The following FAF1 variants were observed in gnomAD, a reference collection of about 807,000 sequenced individuals.
The protein encoded by FAF1 is Fas associated factor 1.
A neutral mutation model predicts 92.5 loss-of-function variants in FAF1; 25 were observed. The ratio of observed to expected loss-of-function variants is 0.27; its 90% CI spans 0.20 to 0.38. The LOEUF is 0.38. FAF1 is among the 10% of genes least tolerant of loss of function. FAF1 has a pLI of 1.00. For missense variants in FAF1, 636 were observed against 793.3 expected (o/e 0.80, Z 2.38); for synonymous variants, 234 against 273.2 (o/e 0.86, Z 1.42).
intron 15 of FAF1, among the ~76,000 whole-genome samples, chr1:50,494,140 G>A (rs1646872422): frequency 6.6e-6 from 1 of 152,216 alleles, no homozygotes; most frequent in South Asian, 2.1e-4. Context: ...ATGTTTGGTA[G>A]TTGTTGGTGA....
chr1:50,590,688 G>C (rs1242206887), intron 9 of FAF1, among the ~76,000 whole-genome samples: 1 of 152,146 alleles, frequency 6.6e-6, no homozygotes, highest in East Asian at 1.9e-4. Flanking sequence ...AATGGTGAAA[G>C]GGGTCATTCT....
chr1:50,582,155 T>C (rs1278138714), intron 12 of FAF1, among the ~76,000 whole-genome samples: 1 of 152,094 alleles, frequency 6.6e-6, no homozygotes, highest in Non-Finnish European at 1.5e-5. Flanking sequence ...AACAAATCTA[T>C]CAAGAACTAG....
At chr1:50,742,708 T>C (rs749182184) in intron 5 of FAF1, among the ~76,000 whole-genome samples, 18 of 152,228 alleles carry the variant, frequency 1.2e-4, no homozygotes, top group Non-Finnish European at 1.9e-4. Context: ...CACAGGTTTC[T>C]CAATGAATGA....
At chr1:50,752,191 G>A (rs774572070) in intron 4 of FAF1, among the ~76,000 whole-genome samples, 2 of 152,032 alleles carry the variant, frequency 1.3e-5, no homozygotes, top group African/African-American at 2.4e-5. Flanking sequence ...GGCTGGTCTC[G>A]AACTCCTGAC....
At chr1:50,759,147 T>C (rs1660210089) in intron 4 of FAF1, among the ~76,000 whole-genome samples, 1 of 152,006 alleles carries the variant, frequency 6.6e-6, no homozygotes, top group South Asian at 2.1e-4. Flanking sequence ...TTTATTTTAA[T>C]TTTTTTAAAA....
At chr1:50,807,511 C>A (rs1300549986) in intron 2 of FAF1, among the ~76,000 whole-genome samples, 1 of 152,190 alleles carries the variant, frequency 6.6e-6, no homozygotes, top group Non-Finnish European at 1.5e-5. Context: ...CATGAGAACA[C>A]TGGGGGTAAA....
chr1:50,469,305 A>T (rs938367096), intron 18 of FAF1: 1 of 152,148 alleles, frequency 6.6e-6, no homozygotes, highest in Non-Finnish European at 1.5e-5. Context: ...TCATGTCAAG[A>T]CCTCATGTTC....
At chr1:50,717,721 G>C (rs1043344235) in intron 6 of FAF1, among the ~76,000 whole-genome samples, 7 of 152,124 alleles carry the variant, frequency 4.6e-5, no homozygotes, top group African/African-American at 1.7e-4. Flanking sequence ...TTAAGACCTG[G>C]CTGGGAATGG....
intron 8 of FAF1, among the ~76,000 whole-genome samples, chr1:50,606,325 T>G (rs1652397017): frequency 6.6e-6 from 1 of 152,116 alleles, no homozygotes; most frequent in Non-Finnish European, 1.5e-5. Context: ...ATACCAAAGA[T>G]ATCCAAATGA....
intron 1 of FAF1, among the ~76,000 whole-genome samples, chr1:50,877,840 G>A (rs1644583254): frequency 6.6e-6 from 1 of 152,152 alleles, no homozygotes; most frequent in African/African-American, 2.4e-5. Flanking sequence ...GAGACAAGGA[G>A]CCAGAGGGAA....
intron 1 of FAF1, among the ~76,000 whole-genome samples, chr1:50,923,701 A>T (rs1328470001): frequency 6.6e-6 from 1 of 152,234 alleles, no homozygotes; most frequent in Non-Finnish European, 1.5e-5. Flanking sequence ...AGCAAACTGA[A>T]ATCAATGGCA....
At chr1:50,846,426 G>A (rs1570043682) in intron 2 of FAF1, 1 of 392,680 alleles carries the variant, frequency 2.5e-6, no homozygotes, top group East Asian at 7.9e-5. Flanking sequence ...TCGCGTCCTG[G>A]GAACCAGCTC....
intron 1 of FAF1, among the ~76,000 whole-genome samples, chr1:50,881,210 T>C (rs533994696): frequency 1.3e-5 from 2 of 152,190 alleles, no homozygotes; most frequent in Non-Finnish European, 2.9e-5. Context: ...TCCCAGAGAC[T>C]CTTTTTTGGT....
At chr1:50,818,493 C>T (rs1031721220) in intron 2 of FAF1, among the ~76,000 whole-genome samples, 1 of 152,130 alleles carries the variant, frequency 6.6e-6, no homozygotes, top group Admixed American at 6.5e-5. Context: ...AATGAATAAA[C>T]AGATTGAAGA....
chr1:50,546,734 T>A (rs923977965), intron 13 of FAF1, among the ~76,000 whole-genome samples: 1 of 152,190 alleles, frequency 6.6e-6, no homozygotes, highest in Non-Finnish European at 1.5e-5. Flanking sequence ...GAGGGTCACA[T>A]AGATATGGGT....
chr1:50,691,329 A>T (rs1021027983), intron 7 of FAF1, among the ~76,000 whole-genome samples: 4 of 149,646 alleles, frequency 2.7e-5, no homozygotes, highest in African/African-American at 9.9e-5. Flanking sequence ...TGCAGCCTCC[A>T]TCTCCCGGGT....
At chr1:50,952,318 C>G (rs529633689) in intron 1 of FAF1, among the ~76,000 whole-genome samples, 12 of 152,340 alleles carry the variant, frequency 7.9e-5, no homozygotes, top group Non-Finnish European at 1.2e-4. Context: ...CCGTGTTGGC[C>G]GGGCTGGTTT....
intron 2 of FAF1, among the ~76,000 whole-genome samples, chr1:50,853,875 G>A (rs1644370976): frequency 6.6e-6 from 1 of 151,972 alleles, no homozygotes; most frequent in South Asian, 2.1e-4. Context: ...TTAAAAATCT[G>A]TACTACTATT....
chr1:50,924,421 CACAA>C (rs1253580243), intron 1 of FAF1, among the ~76,000 whole-genome samples: 1 of 152,012 alleles, frequency 6.6e-6, no homozygotes, highest in Non-Finnish European at 1.5e-5. Context: ...TTGAAGAGAA[CACAA>C]ACAAAGGCAT....
Sources: gnomAD v4.1 joint callset for allele counts (sites outside exome capture counted in the v4.1 genomes callset) on GRCh38, gnomAD v4.1.1 for gene constraint, MANE v1.5 for transcripts, NCBI Gene and HGNC (gene_info 2026-07-23, HGNC 2026-07-21) for gene names.